The following THSD7B variants were observed in gnomAD, a reference collection of about 807,000 sequenced individuals.
THSD7B encodes thrombospondin type-1 domain-containing protein 7B.
THSD7B carries 138 observed loss-of-function variants against 213.6 expected under a neutral mutation model. That is an observed-to-expected ratio of 0.65 (90% CI 0.56 to 0.74). The LOEUF (loss-of-function observed/expected upper bound fraction) is 0.74. Ranked by LOEUF, THSD7B falls within the 30% of genes least tolerant of loss-of-function variation. The probability of loss-of-function intolerance (pLI) is 0.00; values close to 1 mark genes in which losing one functional copy is unlikely to be tolerated. For synonymous variants in THSD7B, 742 were observed against 687.0 expected (o/e 1.08, Z -1.25); for missense variants, 1,931 against 1,991.5 (o/e 0.97, Z 0.58).
intron 2 of THSD7B, among the ~76,000 whole-genome samples, chr2:137,000,195 G>A (rs552457276): frequency 1.8e-4 from 28 of 152,160 alleles, no homozygotes; most frequent in African/African-American, 6.5e-4. Context: ...AATTTACAAG[G>A]CAAAAATGTT....
At chr2:137,634,528 A>T (rs941868104) in intron 20 of THSD7B, among the ~76,000 whole-genome samples, 1 of 152,092 alleles carries the variant, frequency 6.6e-6, no homozygotes, top group Admixed American at 6.5e-5. Context: ...CTTTTCCATT[A>T]TCTCTTACAT....
intron 3 of THSD7B, among the ~76,000 whole-genome samples, chr2:137,066,659 A>G (rs953622573): frequency 6.6e-6 from 1 of 152,032 alleles, no homozygotes; most frequent in Non-Finnish European, 1.5e-5. Flanking sequence ...CAAATGTGGT[A>G]TGCTTGGACG....
chr2:137,095,703 A>G (rs192149442), intron 4 of THSD7B, among the ~76,000 whole-genome samples: 1 of 152,182 alleles, frequency 6.6e-6, no homozygotes, highest in African/African-American at 2.4e-5. Context: ...CTACATTTTA[A>G]CAGCATTTTT....
chr2:137,158,736 T>C (rs1679954825), intron 5 of THSD7B, among the ~76,000 whole-genome samples: 1 of 152,168 alleles, frequency 6.6e-6, no homozygotes, highest in Admixed American at 6.6e-5. Flanking sequence ...TTATTTTCAC[T>C]CTTACCAGAT....
chr2:136,828,767 T>A (rs2104945148), intron 1 of THSD7B, among the ~76,000 whole-genome samples: 1 of 152,346 alleles, frequency 6.6e-6, no homozygotes, highest in South Asian at 2.1e-4. Flanking sequence ...CTGTTTTGTT[T>A]TTAGATTTTA....
intron 10 of THSD7B, among the ~76,000 whole-genome samples, chr2:137,267,208 A>G (rs1269992312): frequency 6.6e-6 from 1 of 152,216 alleles, no homozygotes; most frequent in African/African-American, 2.4e-5. Flanking sequence ...GTTTAATTAT[A>G]CCTGATGACT....
chr2:137,652,183 TTC>T (rs1036573246), intron 21 of THSD7B, among the ~76,000 whole-genome samples: 4 of 151,866 alleles, frequency 2.6e-5, no homozygotes, highest in African/African-American at 9.7e-5. Flanking sequence ...AGATCTCTCT[TTC>T]TCTCTCTCTC....
At chr2:137,177,884 A>G (rs1030984443) in intron 7 of THSD7B, among the ~76,000 whole-genome samples, 1 of 152,064 alleles carries the variant, frequency 6.6e-6, no homozygotes, top group African/African-American at 2.4e-5. Flanking sequence ...CATCCTGGAC[A>G]ATATGGTGAA....
At chr2:137,647,594 T>A (rs1395273169) in intron 21 of THSD7B, among the ~76,000 whole-genome samples, 2 of 152,118 alleles carry the variant, frequency 1.3e-5, no homozygotes. Context: ...CTGGACTTAG[T>A]GAAAGCTGAG....
intron 20 of THSD7B, among the ~76,000 whole-genome samples, chr2:137,625,132 A>G (rs908447336): frequency 6.6e-6 from 1 of 152,134 alleles, no homozygotes. Context: ...ACACCATGGA[A>G]TACTATGCAG....
At chr2:137,516,313 C>T (rs1183209931) in intron 15 of THSD7B, among the ~76,000 whole-genome samples, 2 of 152,192 alleles carry the variant, frequency 1.3e-5, no homozygotes, top group East Asian at 1.9e-4. Flanking sequence ...CACTGATCCT[C>T]AATCAATTTC....
At chr2:137,619,724 G>A (rs894577994) in intron 19 of THSD7B, among the ~76,000 whole-genome samples, 3 of 152,116 alleles carry the variant, frequency 2.0e-5, no homozygotes, top group African/African-American at 7.2e-5. Flanking sequence ...GATACCATAT[G>A]CCCAATAAAT....
chr2:137,457,348 C>T (rs535891723), intron 15 of THSD7B, among the ~76,000 whole-genome samples: 3 of 152,290 alleles, frequency 2.0e-5, no homozygotes, highest in Admixed American at 2.0e-4. Context: ...ATTTGCTATG[C>T]ACCTCTAGAA....
chr2:137,610,285 A>G (rs919616544), intron 17 of THSD7B, among the ~76,000 whole-genome samples: 70 of 152,072 alleles, frequency 4.6e-4, no homozygotes, highest in African/African-American at 1.7e-3. Context: ...TGTATTTCTA[A>G]CAAGTTGCCA....
Position 137,450,736 on chromosome 2 carries a change from A to C in THSD7B, c.2960-109A>C, listed in dbSNP as rs574377943. ...ATCTGAGAACAAAATTATTGAAGCC[A>C]CTACAGCAATATTGTTGAAAAAATC... On this transcript the variant is annotated intron_variant, in intron 14 of 27. Coordinates refer to ENST00000409968, the MANE Select transcript of THSD7B (RefSeq NM_001316349.2). 2.6e-4 allele frequency: 206 copies of C among 803,190 alleles called. 6 individuals are homozygous for C. The South Asian group carries it at 4.8e-3, about 19-fold the overall frequency. The allele number at this position is 803,190 out of a possible 1,614,324, so 49.8% of individuals were successfully genotyped here. A position where few individuals can be genotyped will look rare whatever the true frequency, so the allele number is the denominator to read the frequency against.
At chr2:137,073,944 G>C (rs1251796567) in intron 3 of THSD7B, among the ~76,000 whole-genome samples, 1 of 152,202 alleles carries the variant, frequency 6.6e-6, no homozygotes. Flanking sequence ...ACTGTGGTCT[G>C]AGAGACAGTT....
chr2:136,959,603 T>G (rs1685184226), intron 2 of THSD7B, among the ~76,000 whole-genome samples: 1 of 152,214 alleles, frequency 6.6e-6, no homozygotes. Context: ...TCCTTGTTGA[T>G]TTTTTAGAAG....
intron 10 of THSD7B, among the ~76,000 whole-genome samples, chr2:137,247,539 C>G (rs1037378267): frequency 1.1e-4 from 16 of 152,098 alleles, no homozygotes; most frequent in African/African-American, 3.6e-4. Flanking sequence ...CAGAATATTT[C>G]TAGAAACCAT....
At chr2:137,647,093 T>C (rs34258838) in intron 21 of THSD7B, among the ~76,000 whole-genome samples, 52,782 of 152,002 alleles carry the variant, frequency 0.35, 9,298 homozygotes, top group Middle Eastern at 0.37. Flanking sequence ...CTGGCATGTC[T>C]GATGCCCAGC....
Sources: gnomAD v4.1 joint callset for allele counts (sites outside exome capture counted in the v4.1 genomes callset) on GRCh38, gnomAD v4.1.1 for gene constraint, MANE v1.5 for transcripts, NCBI Gene and HGNC (gene_info 2026-07-23, HGNC 2026-07-21) for gene names.